Variants in MATN1 observed in about 807,000 individuals in gnomAD.
MATN1 encodes matrilin-1.
MATN1 carries 34 observed loss-of-function variants against 41.3 expected under a neutral mutation model. The ratio of observed to expected loss-of-function variants is 0.82; its 90% CI spans 0.63 to 1.10. MATN1 has a LOEUF of 1.10. Among genes scored for constraint, MATN1 ranks in the 50% least tolerant of loss-of-function variants. The pLI is 0.00. For missense variants in MATN1, 602 were observed against 662.4 expected, an observed-to-expected ratio of 0.91 and a Z score of 1.00; for synonymous variants, 264 against 278.7, an observed-to-expected ratio of 0.95 and a Z score of 0.53.
chr1:30,717,943 G>C (rs907962018), intron 3 of MATN1, among the ~76,000 whole-genome samples: 21 of 152,176 alleles, frequency 1.4e-4, no homozygotes, highest in African/African-American at 4.8e-4. Flanking sequence ...GTGAGCCACC[G>C]CGCCCGGCCA....
At chr1:30,715,025 C>T (rs1450279526) in intron 6 of MATN1, 132 bp downstream of exon 6, 3 of 1,033,932 alleles carry the variant, frequency 2.9e-6, no homozygotes, top group Non-Finnish European at 2.9e-6. Flanking sequence ...GCCAGCCCAC[C>T]TTCTGGTTCT....
Position 30,716,830 on chromosome 1 carries a change from GT to G in MATN1, c.749del (p.His250ProfsTer6). 1 of 1,613,990 alleles carries G rather than the reference GT, an allele frequency of 6.2e-7. No individual in the cohort carries two copies. The highest frequency in any genetic ancestry group is 2.2e-5 in the East Asian group (1 of 44,874). Reference protein sequence around the residue: ...SSPGSYTCACHEGFTLNSDGK... With the variant: ...SSPGSYTCACXEGFTLNSDGK... ...CGTCGCTGTTCAGAGTGAAGCCCTC[GT>G]GGCAGGCGCAGGTGTAGGAACCGGG... On this transcript the variant is annotated frameshift_variant, in exon 4 of 8. Coordinates refer to ENST00000373765, the MANE Select transcript of MATN1 (RefSeq NM_002379.3). LOFTEE classifies it high-confidence loss of function.
rs1175809586 is a variant in MATN1, at chr1:30,715,921, C to A, written c.1195G>T (p.Ala399Ser). ...AGGCAACACCTACCGAGGTCTTTGG[C>A]CTTCTTGGCAGCATCATTAATGTAG... ...QDYINDAAKK[A>S]KDLGFKMFAV... Residue 399 changes from alanine (A) to serine (S), a missense_variant, in exon 5 of 8, where the codon GCC becomes TCC. Transcript: ENST00000373765. The A allele has an allele frequency of 6.2e-7, 1 of 1,612,546 alleles. No individual in the cohort carries two copies. Among genetic ancestry groups the A allele is most frequent in the East Asian group, 2.2e-5 (1 of 44,860 alleles).
Position 30,711,855 on chromosome 1 carries a change from TTC to T in MATN1, c.*1725_*1726del. ...AAGGAAGAATGAGCAGAGTCATAAC[TTC>T]TCAGGTGGCTGTGTCAAGGAGCCTC... On this transcript the variant is annotated 3_prime_UTR_variant, in exon 8 of 8. Transcript: ENST00000373765. The T allele has an allele frequency of 6.6e-6, 1 of 152,250 alleles. No homozygotes were observed. Among genetic ancestry groups the T allele is most frequent in the East Asian group, 1.9e-4 (1 of 5,184 alleles). The allele number at this position is 152,250 out of a possible 1,614,324, so 9.4% of individuals were successfully genotyped here.
rs1357754322 is a variant in MATN1, at chr1:30,718,733, A to G, written c.664+2T>C. 1.3e-6 allele frequency: 2 copies of G among 1,544,350 alleles called. No individual in the cohort carries two copies. Among genetic ancestry groups the G allele is most frequent in the Admixed American group, 1.8e-5 (1 of 55,334 alleles). On this transcript the variant is annotated splice_donor_variant, in intron 3 of 7. Transcript: ENST00000373765. LOFTEE classifies it high-confidence loss of function. ...TGGCTCCGCCCCCGCCTGCCCGCGCACCGCAGAAGGCCTCCTGGAACTTCC... is the reference window on the plus strand; with the variant it reads ...TGGCTCCGCCCCCGCCTGCCCGCGCGCCGCAGAAGGCCTCCTGGAACTTCC...
At chr1:30,715,729 T>C (rs1639609837) in intron 5 of MATN1, among the ~76,000 whole-genome samples, 180 bp downstream of exon 5, 1 of 152,208 alleles carries the variant, frequency 6.6e-6, no homozygotes, top group Non-Finnish European at 1.5e-5. Context: ...CACTTACTTT[T>C]CTGGGGCCTC....
Position 30,714,331 on chromosome 1 carries a change from C to T in MATN1, c.1361-4G>A. 9 of 1,607,706 alleles carry T rather than the reference C, an allele frequency of 5.6e-6. No individual in the cohort carries two copies. Among genetic ancestry groups the T allele is most frequent in the Non-Finnish European group, 7.6e-6 (9 of 1,176,728 alleles). On this transcript the variant is annotated splice_region_variant and splice_polypyrimidine_tract_variant and intron_variant, in intron 6 of 7. Coordinates refer to ENST00000373765, the MANE Select transcript of MATN1 (RefSeq NM_002379.3). Reference sequence around the variant, plus strand: ...TCGCAGGCACACGGGTCTTCCTCTGCAGGGGACAAGGAGGAGGGAAAGAGA... The same window carrying T: ...TCGCAGGCACACGGGTCTTCCTCTGTAGGGGACAAGGAGGAGGGAAAGAGA...
chr1:30,721,581 C>T lies in MATN1; in HGVS notation c.265G>A (p.Val89Met), dbSNP rs780317932. 8.1e-6 allele frequency: 13 copies of T among 1,613,444 alleles called. No individual in the cohort carries two copies. Among genetic ancestry groups the T allele is most frequent in the African/African-American group, 1.3e-5 (1 of 75,060 alleles). Residue 89 changes from valine to methionine, a missense_variant, in exon 2 of 8, where the codon GTG becomes ATG. Physicochemically the swap from Val to Met is conservative, Grantham distance 21. Coordinates refer to ENST00000373765, the MANE Select transcript of MATN1 (RefSeq NM_002379.3). ...GCCCGCAGCGAGAACTCCTGCTTCACGGTGCTGGCATAGTTGACCATGCCC... is the reference window on the plus strand; with the variant it reads ...GCCCGCAGCGAGAACTCCTGCTTCATGGTGCTGGCATAGTTGACCATGCCC... ...RVGMVNYAST[V>M]KQEFSLRAHV...
At chr1:30,722,577 G>A (rs1186914635) in intron 1 of MATN1, among the ~76,000 whole-genome samples, 1 of 152,186 alleles carries the variant, frequency 6.6e-6, no homozygotes, top group Admixed American at 6.5e-5. Context: ...CTGAGCCTCC[G>A]TGATCTCACA....
intron 7 of MATN1, 92 bp from the exon 8 acceptor site, chr1:30,713,723 C>T: frequency 1.1e-6 from 1 of 936,744 alleles, no homozygotes; most frequent in Non-Finnish European, 1.7e-6. Context: ...CACCCCACTA[C>T]AGCGTGCATT....
At chr1:30,722,789 C>T (rs985271354) in intron 1 of MATN1, among the ~76,000 whole-genome samples, 1 of 152,198 alleles carries the variant, frequency 6.6e-6, no homozygotes, top group African/African-American at 2.4e-5. Context: ...GGGCTCTGGA[C>T]ATCAGAGTTC....
chr1:30,715,373 C>A, intron 5 of MATN1, 64 bp from the exon 6 acceptor site: 2 of 1,568,126 alleles, frequency 1.3e-6, no homozygotes, highest in South Asian at 1.2e-5. Context: ...GGCTGAGCCT[C>A]CTGGGGAAGG....
In MATN1 at chr1:30,716,310, C is replaced by A. The variant is rs894733130; in HGVS notation, c.806G>T (p.Gly269Val). The A allele has an allele frequency of 6.2e-7, 1 of 1,613,712 alleles. No individual in the cohort carries two copies. The highest frequency in any genetic ancestry group is 1.3e-5 in the African/African-American group (1 of 75,068). ...GKTCNVCSGG[G>V]GSSATDLVFL... ...GACCAGGTCAGTGGCCGAGCTGCCA[C>A]CACCACCACTGCAGACTGTGGAGGA... Residue 269 changes from glycine to valine, a missense_variant, in exon 5 of 8, where the codon GGT (glycine) becomes GTT (valine). By Grantham distance (109) the Gly-to-Val change is moderately radical. Transcript: ENST00000373765.
Position 30,715,910 on chromosome 1 carries a change from G to A in MATN1, c.1206C>T (p.Leu402=), listed in dbSNP as rs563851509. 160 of 1,611,130 alleles carry A rather than the reference G, an allele frequency of 9.9e-5. No individual in the cohort carries two copies. The highest frequency in any genetic ancestry group is 5.6e-4 in the East Asian group (25 of 44,826). ...AGGGTCCAGGCAGGCAACACCTACC[G>A]AGGTCTTTGGCCTTCTTGGCAGCAT... The part of the protein sequence containing the change: ...INDAAKKAKD[L]GFKMFAVGVG... The change falls in exon 5 of 8, where the codon CTC becomes CTT. Residue 402 remains leucine, a splice_region_variant and synonymous_variant. Coordinates refer to ENST00000373765, the MANE Select transcript of MATN1 (RefSeq NM_002379.3).
rs1261302881 is a variant in MATN1 at position 30,721,417 on chromosome 1, A to G, written c.429T>C (p.Pro143=). ...GDAEGGRSRS[P]DISKVVIVVT... is the part of the protein sequence containing the mutation. ...GGCGTGCACGTACCTTGCTGATGTC[A>G]GGGGACCTGGAACGACCACCCTCTG... is the stretch of plus-strand genomic sequence containing the variant. The change falls in exon 2 of 8, where the codon CCT becomes CCC. Residue 143 remains proline, a synonymous_variant. Coordinates refer to ENST00000373765, the MANE Select transcript of MATN1 (RefSeq NM_002379.3). The G allele has an allele frequency of 1.9e-6, 3 of 1,608,132 alleles. No individual in the cohort carries two copies. The highest frequency in any genetic ancestry group is 1.1e-5 in the South Asian group (1 of 90,990).
Position 30,713,018 on chromosome 1 carries a change from A to T in MATN1, c.*564T>A, listed in dbSNP as rs1419022400. 1 of 153,380 alleles carries T rather than the reference A, an allele frequency of 6.5e-6. No individual in the cohort carries two copies. Among genetic ancestry groups the T allele is most frequent in the East Asian group, 1.9e-4 (1 of 5,216 alleles). The allele number at this position is 153,380 out of a possible 1,614,324, so 9.5% of individuals were successfully genotyped here. On this transcript the variant is annotated 3_prime_UTR_variant, in exon 8 of 8. Coordinates refer to ENST00000373765, the MANE Select transcript of MATN1 (RefSeq NM_002379.3). ...TAACTGAAAAGGCAGGACAAACACC[A>T]GCTGGTTTTGGTGTGGTCACTGTCA... is the stretch of plus-strand genomic sequence containing the variant.
In MATN1 at chr1:30,716,140, C is replaced by T. The variant is rs1472178468; in HGVS notation, c.976G>A (p.Glu326Lys). The T allele has an allele frequency of 1.2e-6, 2 of 1,614,232 alleles. No homozygotes were observed. Among genetic ancestry groups the T allele is most frequent in the Non-Finnish European group, 1.7e-6 (2 of 1,180,038 alleles). Residue 326 changes from glutamate (E) to lysine (K), a missense_variant, in exon 5 of 8, where the codon GAG (glutamate) becomes AAG (lysine). Transcript: ENST00000373765. The stretch of plus-strand genomic sequence containing the variant: ...GTGTGGAAGCGACCCAGGGGGAACT[C>T]CTGGCGCACAGAGCTTGAGTACTGC... Reference protein sequence around the residue: ...LVQYSSSVRQEFPLGRFHTKK... With the variant: ...LVQYSSSVRQKFPLGRFHTKK...
intron 4 of MATN1, 142 bp downstream of exon 4, chr1:30,716,648 A>G (rs1224302260): frequency 5.6e-6 from 7 of 1,240,622 alleles, no homozygotes; most frequent in South Asian, 1.6e-5. Flanking sequence ...TTCTGCAGAT[A>G]CCAAACTCTA....
chr1:30,714,105 T>C, intron 7 of MATN1, 142 bp downstream of exon 7: 1 of 687,100 alleles, frequency 1.5e-6, no homozygotes, highest in Non-Finnish European at 2.5e-6. Flanking sequence ...TGGCTTCAGC[T>C]TATTCTGCCA....
Sources: gnomAD v4.1 joint callset for allele counts (sites outside exome capture counted in the v4.1 genomes callset) on GRCh38, gnomAD v4.1.1 for gene constraint, MANE v1.5 for transcripts, NCBI Gene and HGNC (gene_info 2026-07-23, HGNC 2026-07-21) for gene names.